ASTN2: variants seen among roughly 807,000 people sequenced by gnomAD.
The protein encoded by ASTN2 is astrotactin-2.
ASTN2 carries 54 observed loss-of-function variants against 139.8 expected under a neutral mutation model. The ratio of observed to expected loss-of-function variants is 0.39; its 90% CI spans 0.31 to 0.48. The LOEUF is 0.48. Among genes scored for constraint, ASTN2 ranks in the 20% least tolerant of loss-of-function variants. The probability of loss-of-function intolerance (pLI) is 0.95; values close to 1 mark genes in which losing one functional copy is unlikely to be tolerated. For missense variants in ASTN2, 1,565 were observed against 1,725.1 expected (o/e 0.91, Z 1.64); for synonymous variants, 756 against 719.5 (o/e 1.05, Z -0.81).
chr9:116,565,249 C>T (rs932638661), intron 19 of ASTN2, among the ~76,000 whole-genome samples: 3 of 137,750 alleles, frequency 2.2e-5, no homozygotes, highest in African/African-American at 1.0e-4. Flanking sequence ...CACACACACA[C>T]ACACACACAT....
At chr9:117,209,203 C>T (rs976417155) in intron 3 of ASTN2, among the ~76,000 whole-genome samples, 1 of 152,024 alleles carries the variant, frequency 6.6e-6, no homozygotes, top group African/African-American at 2.4e-5. Flanking sequence ...TCCCACCTAT[C>T]AACAATAACA....
chr9:116,703,650 G>A (rs1343577281), intron 16 of ASTN2, among the ~76,000 whole-genome samples: 15 of 150,928 alleles, frequency 9.9e-5, no homozygotes, highest in Admixed American at 3.3e-4. Context: ...TGGGTGCAGC[G>A]CACCAGCATG....
intron 2 of ASTN2, among the ~76,000 whole-genome samples, chr9:117,242,298 C>A (rs971678558): frequency 1.3e-5 from 2 of 152,038 alleles, no homozygotes; most frequent in Admixed American, 6.6e-5. Flanking sequence ...GAGGCTATAA[C>A]CTATAAATAT....
intron 2 of ASTN2, among the ~76,000 whole-genome samples, chr9:117,283,577 G>T (rs1834377204): frequency 6.6e-6 from 1 of 152,186 alleles, no homozygotes; most frequent in African/African-American, 2.4e-5. Context: ...TTAAGAAGGG[G>T]ATGTGACTTG....
intron 10 of ASTN2, among the ~76,000 whole-genome samples, chr9:116,941,179 C>G (rs1340626045): frequency 8.3e-6 from 1 of 120,846 alleles, no homozygotes; most frequent in Non-Finnish European, 1.8e-5. Context: ...CTGAGGATAC[C>G]AGTTTGAGAT....
At chr9:117,145,901 TC>T (rs1830183389) in intron 3 of ASTN2, among the ~76,000 whole-genome samples, 1 of 152,140 alleles carries the variant, frequency 6.6e-6, no homozygotes, top group African/African-American at 2.4e-5. Flanking sequence ...TCTTCTTTCT[TC>T]TAAGCTGATA....
intron 6 of ASTN2, among the ~76,000 whole-genome samples, chr9:117,018,496 G>T (rs957536800): frequency 2.6e-5 from 4 of 152,116 alleles, no homozygotes; most frequent in African/African-American, 9.7e-5. Context: ...ATAGGCACCT[G>T]CCTGCTTGTG....
chr9:117,336,076 A>G (rs1828873528), intron 1 of ASTN2, among the ~76,000 whole-genome samples: 1 of 150,350 alleles, frequency 6.7e-6, no homozygotes, highest in African/African-American at 2.4e-5. Context: ...AAAAAAAAAA[A>G]GGACCACCAG....
chr9:116,485,604 C>A (rs1849313099), intron 20 of ASTN2, among the ~76,000 whole-genome samples: 1 of 152,170 alleles, frequency 6.6e-6, no homozygotes, highest in South Asian at 2.1e-4. Flanking sequence ...CACCACTCAC[C>A]ATGAGGATGG....
At chr9:116,808,937 C>T (rs1831097433) in intron 12 of ASTN2, among the ~76,000 whole-genome samples, 1 of 152,056 alleles carries the variant, frequency 6.6e-6, no homozygotes, top group African/African-American at 2.4e-5. Flanking sequence ...TTGCATTTCT[C>T]CTTCTATAGA....
At position 117,068,644 on chromosome 9, in the gene ASTN2, C is replaced by G. The variant is rs1227594409; in HGVS notation, c.1276+27400G>C. ...CTGTGAATCCATCTGGTCCTGGACT[C>G]TTTTTGGTTGGTAAAGTATTGATTA... is the stretch of plus-strand genomic sequence containing the variant. On this transcript the variant is annotated intron_variant, in intron 5 of 22. Coordinates refer to ENST00000313400, the MANE Select transcript of ASTN2 (RefSeq NM_001365068.1). Among the ~76,000 whole-genome samples, 2 of 103,018 alleles carry G rather than the reference C, an allele frequency of 1.9e-5. 1 individual carries two copies. The highest frequency in any genetic ancestry group is 4.0e-5 in the Non-Finnish European group (2 of 50,592). 67.6% of individuals were successfully genotyped at this position (103,018 alleles called of 152,430 possible). A position where few individuals can be genotyped will look rare whatever the true frequency, so the allele number is the denominator to read the frequency against.
intron 3 of ASTN2, among the ~76,000 whole-genome samples, chr9:117,153,919 T>C (rs1181484045): frequency 6.6e-6 from 1 of 152,038 alleles, no homozygotes; most frequent in Non-Finnish European, 1.5e-5. Context: ...GGTATAAAAA[T>C]ATGCATTGTG....
At chr9:117,288,585 T>C (rs1423141893) in intron 2 of ASTN2, among the ~76,000 whole-genome samples, 7 of 152,346 alleles carry the variant, frequency 4.6e-5, no homozygotes, top group Non-Finnish European at 1.0e-4. Context: ...GCCTTTTTGT[T>C]AGCCCAGGAG....
At chr9:117,254,784 C>T (rs10983583) in intron 2 of ASTN2, among the ~76,000 whole-genome samples, 33,593 of 152,080 alleles carry the variant, frequency 0.22, 4,188 homozygotes, top group Middle Eastern at 0.27. Context: ...CCATTCCACT[C>T]TATTCCATAT....
intron 7 of ASTN2, among the ~76,000 whole-genome samples, chr9:116,989,372 T>A (rs777116066): frequency 1.2e-4 from 19 of 152,054 alleles, no homozygotes; most frequent in Admixed American, 3.3e-4. Flanking sequence ...AGAAGCTGGA[T>A]TGTGTGCTCT....
Position 116,884,803 on chromosome 9 carries a change from G to GCCCTCCCC in ASTN2, c.1890-21071_1890-21070insGGGGAGGG, listed in dbSNP as rs1554756734. On this transcript the variant is annotated intron_variant, in intron 10 of 22. Coordinates refer to ENST00000313400, the MANE Select transcript of ASTN2 (RefSeq NM_001365068.1). ...TGTGCATGTCAATCTCCAAATATCC[G>GCCCTCCCC]CCCCCCCCCCACCCACTTTTTTTTT... Among the ~76,000 whole-genome samples the GCCCTCCCC allele has an allele frequency of 3.7e-4, 26 of 69,638 alleles. 1 individual carries two copies. The highest frequency in any genetic ancestry group is 1.4e-3 in the South Asian group (2 of 1,394). The allele number at this position is 69,638 out of a possible 152,430, so 45.7% of individuals were successfully genotyped here.
At chr9:117,229,256 G>A (rs988870023) in intron 2 of ASTN2, among the ~76,000 whole-genome samples, 13 of 152,138 alleles carry the variant, frequency 8.5e-5, no homozygotes, top group South Asian at 8.3e-4. Context: ...AACGCTCCCC[G>A]CCCCCAAGCC....
At chr9:116,977,974 C>T (rs1223290125) in intron 7 of ASTN2, among the ~76,000 whole-genome samples, 1 of 152,144 alleles carries the variant, frequency 6.6e-6, no homozygotes, top group Admixed American at 6.5e-5. Flanking sequence ...ACCTCAGCCT[C>T]CCAAAGTGCC....
intron 22 of ASTN2, chr9:116,437,441 G>T (rs756746014): frequency 6.4e-6 from 3 of 471,444 alleles, no homozygotes; most frequent in South Asian, 4.6e-5. Context: ...ACAGGGTGGG[G>T]AGGTTCGCAG....
Sources: gnomAD v4.1 joint callset for allele counts (sites outside exome capture counted in the v4.1 genomes callset) on GRCh38, gnomAD v4.1.1 for gene constraint, MANE v1.5 for transcripts, NCBI Gene and HGNC (gene_info 2026-07-23, HGNC 2026-07-21) for gene names.